ANKRD24: variants seen among roughly 807,000 people sequenced by gnomAD.
The protein encoded by ANKRD24 is ankyrin repeat domain 24.
A neutral mutation model predicts 127.8 loss-of-function variants in ANKRD24; 109 were observed. The observed-to-expected ratio is 0.85, with a 90% CI of 0.73 to 1.00. The LOEUF (loss-of-function observed/expected upper bound fraction) is 1.00, where lower values mean the gene tolerates loss of function less well. Among genes scored for constraint, ANKRD24 ranks in the 50% least tolerant of loss-of-function variants. ANKRD24 has a pLI of 0.00. For synonymous variants in ANKRD24, 743 were observed against 671.1 expected (o/e 1.11, Z -1.66); for missense variants, 1,648 against 1,570.2 (o/e 1.05, Z -0.84).
At position 4,200,184 on chromosome 19, in the gene ANKRD24, G is replaced by T; in HGVS notation, c.343+13G>T. 1 of 1,585,322 alleles carries T rather than the reference G, an allele frequency of 6.3e-7. No homozygotes were observed. The highest frequency in any genetic ancestry group is 1.3e-5 in the African/African-American group (1 of 74,504). ...GCGGACGGGGCAGGTACTGCCAGCTGGGCCCCGGGGAGGGAGGAGGAACTA... is the reference window on the plus strand; with the variant it reads ...GCGGACGGGGCAGGTACTGCCAGCTTGGCCCCGGGGAGGGAGGAGGAACTA... On this transcript the variant is annotated intron_variant, in intron 5 of 21. Transcript: ENST00000318934.
At chr19:4,209,385 G>A (rs973703328) in intron 11 of ANKRD24, among the ~76,000 whole-genome samples, 1 of 151,464 alleles carries the variant, frequency 6.6e-6, no homozygotes, top group Non-Finnish European at 1.5e-5. Flanking sequence ...TGGGATTACA[G>A]GCATGAGCCA....
chr19:4,197,490 G>C (rs982264323), intron 2 of ANKRD24, among the ~76,000 whole-genome samples: 1 of 152,014 alleles, frequency 6.6e-6, no homozygotes, highest in Non-Finnish European at 1.5e-5. Context: ...GAACAAATGA[G>C]TGAGTTAATG....
At chr19:4,216,507 C>T in intron 17 of ANKRD24, 43 bp from the exon 18 acceptor site, 1 of 1,569,664 alleles carries the variant, frequency 6.4e-7, no homozygotes, top group Non-Finnish European at 8.6e-7. Flanking sequence ...CCCACGGTCA[C>T]ATCAACTCCT....
Position 4,217,005 on chromosome 19 carries a change from A to G in ANKRD24, c.1845A>G (p.Glu615=). ...GAGAAATGGAGACCACAGAAGAAGA[A>G]GCAAACATGGAAACTAAGCCCACAG... ...EVREMETTEE[E]ANMETKPTGA... is the part of the protein sequence containing the mutation. Residue 615 remains glutamate, a synonymous_variant, in exon 18 of 22, where the codon GAA becomes GAG. Transcript: ENST00000318934. 6.2e-7 allele frequency: 1 copy of G among 1,613,742 alleles called. No individual in the cohort carries two copies. The highest frequency in any genetic ancestry group is 2.2e-5 in the East Asian group (1 of 44,876).
chr19:4,202,336 G>C (rs1387811284), intron 6 of ANKRD24, among the ~76,000 whole-genome samples: 1 of 152,130 alleles, frequency 6.6e-6, no homozygotes, highest in Non-Finnish European at 1.5e-5. Context: ...GGGAGGCTGA[G>C]GTCGGTGAAA....
intron 2 of ANKRD24, among the ~76,000 whole-genome samples, chr19:4,189,754 T>C (rs1253267881): frequency 1.3e-5 from 2 of 152,164 alleles, no homozygotes; most frequent in East Asian, 3.8e-4. Flanking sequence ...TGTCAGCTCA[T>C]TTAATCCTCA....
chr19:4,209,771 T>A (rs542472798), intron 11 of ANKRD24, among the ~76,000 whole-genome samples: 1 of 152,272 alleles, frequency 6.6e-6, no homozygotes, highest in East Asian at 1.9e-4. Context: ...TTTTAAAGCA[T>A]CTCTGTTCCA....
Position 4,216,769 on chromosome 19 carries a change from A to C in ANKRD24, c.1609A>C (p.Thr537Pro), listed in dbSNP as rs748914054. The change falls in exon 18 of 22, where the codon ACC becomes CCC. Residue 537 changes from threonine (T) to proline (P), a missense_variant. Coordinates refer to ENST00000318934, the MANE Select transcript of ANKRD24 (RefSeq NM_001393985.1). ...GESEVAGATA[T>P]KNGPTHMELN... ...GAGTGAGGTTGCTGGAGCCACGGCC[A>C]CCAAAAACGGGCCAACCCACATGGA... 21 of 1,592,036 alleles carry C rather than the reference A, an allele frequency of 1.3e-5. 1 individual carries two copies. In the South Asian group the frequency reaches 2.2e-4, roughly 16 times the overall value.
Position 4,208,812 on chromosome 19 carries a change from C to A in ANKRD24, c.870+11C>A, listed in dbSNP as rs1344076666. On this transcript the variant is annotated intron_variant, in intron 11 of 21. Coordinates refer to ENST00000318934, the MANE Select transcript of ANKRD24 (RefSeq NM_001393985.1). ...GAGGCGTCATCTCAGGTATGGACCC[C>A]TAAGCAGTGAAGGAGCCCCTCCTCC... is the stretch of plus-strand genomic sequence containing the variant. The A allele has an allele frequency of 1.2e-6, 2 of 1,612,538 alleles. No homozygotes were observed. The highest frequency in any genetic ancestry group is 2.7e-5 in the African/African-American group (2 of 74,984).
In ANKRD24 at chr19:4,222,786, G is replaced by A. The variant is rs775082696; in HGVS notation, c.3288G>A (p.Gln1096=). 2 of 1,607,872 alleles carry A rather than the reference G, an allele frequency of 1.2e-6. No individual in the cohort carries two copies. Among genetic ancestry groups the A allele is most frequent in the Admixed American group, 1.7e-5 (1 of 59,640 alleles). ...GTGACCAGGTGAAGGATTTACAGCAGCAGCTGCAGGTAAGGACTGGGCCAC... is the reference window on the plus strand; with the variant it reads ...GTGACCAGGTGAAGGATTTACAGCAACAGCTGCAGGTAAGGACTGGGCCAC... ...ALRDQVKDLQ[Q]QLQEAARDHS... Residue 1096 remains glutamine, a synonymous_variant, in exon 20 of 22, where the codon CAG becomes CAA. Transcript: ENST00000318934.
chr19:4,206,639 T>C (rs1599432074), intron 7 of ANKRD24, among the ~76,000 whole-genome samples: 1 of 151,994 alleles, frequency 6.6e-6, no homozygotes, highest in African/African-American at 2.4e-5. Flanking sequence ...ACAAAAAGTA[T>C]AGGGAACCAC....
intron 2 of ANKRD24, among the ~76,000 whole-genome samples, chr19:4,191,143 G>A (rs1968360957): frequency 6.6e-6 from 1 of 152,176 alleles, no homozygotes; most frequent in African/African-American, 2.4e-5. Context: ...CAGATGGGAG[G>A]CCTGGCTGTT....
intron 20 of ANKRD24, among the ~76,000 whole-genome samples, 159 bp downstream of exon 20, chr19:4,222,954 TA>T (rs1285447315): frequency 6.6e-6 from 1 of 152,130 alleles, no homozygotes. Flanking sequence ...ATACTTCCTT[TA>T]TTTTTTTTGA....
intron 7 of ANKRD24, among the ~76,000 whole-genome samples, chr19:4,203,439 C>T (rs1366892343): frequency 2.6e-5 from 4 of 152,060 alleles, no homozygotes; most frequent in East Asian, 1.9e-4. Flanking sequence ...CTTGACCTCC[C>T]GGGTTCAAAC....
At position 4,198,268 on chromosome 19, in the gene ANKRD24, C is replaced by A; in HGVS notation, c.37-1415C>A. The stretch of plus-strand genomic sequence containing the variant: ...CCCTCAGCCCCCAGCCCCCAGCCCC[C>A]TACCTGGGTCTTCCCATTCCATCCC... On this transcript the variant is annotated intron_variant, in intron 2 of 21. Transcript: ENST00000318934. This position sits in a 1 kb window ranked among gnomAD's most constrained non-coding sequence, Gnocchi z 6.1. 2.2e-6 allele frequency: 1 copy of A among 456,122 alleles called. No homozygotes were observed. Among genetic ancestry groups the A allele is most frequent in the Middle Eastern group, 4.7e-4 (1 of 2,106 alleles). 28.3% of individuals were successfully genotyped at this position (456,122 alleles called of 1,614,324 possible). A position where few individuals can be genotyped will look rare whatever the true frequency, so the allele number is the denominator to read the frequency against.
In ANKRD24 at chr19:4,198,441, G is replaced by T; in HGVS notation, c.37-1242G>T. On this transcript the variant is annotated intron_variant, in intron 2 of 21. Coordinates refer to ENST00000318934, the MANE Select transcript of ANKRD24 (RefSeq NM_001393985.1). The surrounding 1 kb of genome is among the most constrained non-coding windows in gnomAD (Gnocchi z 6.1). ...CGCGGTCCCTCCAGACCCTCTGGCC[G>T]CCGCCTCCTCTTGGAACCCCGTGCG... The T allele has an allele frequency of 1.7e-6, 1 of 597,944 alleles. No individual in the cohort carries two copies. The highest frequency in any genetic ancestry group is 1.8e-5 in the South Asian group (1 of 54,702). The allele number at this position is 597,944 out of a possible 1,614,324, so 37.0% of individuals were successfully genotyped here.
chr19:4,216,143 G>T (rs1970052924), intron 16 of ANKRD24, 93 bp downstream of exon 16: 11 of 1,445,266 alleles, frequency 7.6e-6, no homozygotes, highest in Middle Eastern at 1.8e-4. Flanking sequence ...TTGAAGCTGG[G>T]AGGGAGGTTT....
chr19:4,202,116 C>A, intron 6 of ANKRD24, 26 bp downstream of exon 6: 1 of 1,605,670 alleles, frequency 6.2e-7, no homozygotes, highest in Non-Finnish European at 8.5e-7. Context: ...ATCTCAGCTA[C>A]TCCCTTGGCC....
At chr19:4,212,005 C>G (rs948359369) in intron 13 of ANKRD24, among the ~76,000 whole-genome samples, 2 of 152,062 alleles carry the variant, frequency 1.3e-5, no homozygotes, top group Non-Finnish European at 2.9e-5. Context: ...TCGAGACCAT[C>G]CTGGCTAACA....
Sources: allele counts gnomAD v4.1 joint callset (sites outside exome capture counted in the v4.1 genomes callset), GRCh38; gene constraint gnomAD v4.1.1; non-coding constraint Gnocchi (gnomAD v3.1); transcripts MANE v1.5; gene names NCBI Gene and HGNC (gene_info 2026-07-23, HGNC 2026-07-21).